PTPRN2: variants seen among roughly 807,000 people sequenced by gnomAD.
PTPRN2 encodes receptor-type tyrosine-protein phosphatase N2.
Under a neutral mutation model 118.8 loss-of-function variants are expected in PTPRN2, and 74 were observed. The observed-to-expected ratio is 0.62, with a 90% confidence interval of 0.52 to 0.76. The LOEUF is 0.76. Ranked by LOEUF, PTPRN2 falls within the 30% of genes least tolerant of loss-of-function variation. PTPRN2 has a pLI of 0.00. For synonymous variants in PTPRN2, 641 were observed against 608.0 expected (o/e 1.05, Z -0.80); for missense variants, 1,481 against 1,394.4 (o/e 1.06, Z -0.99).
In PTPRN2 at chr7:157,866,679, C is replaced by G. The variant is rs534929938; in HGVS notation, c.1788+31994G>C. 2.0e-5 allele frequency among the ~76,000 whole-genome samples: 3 copies of G among 152,174 alleles called. No individual in the cohort carries two copies. In the South Asian group the frequency reaches 6.2e-4, roughly 32 times the overall value. On this transcript the variant is annotated intron_variant, in intron 12 of 22. Coordinates refer to ENST00000389418, the MANE Select transcript of PTPRN2 (RefSeq NM_002847.5). Reference sequence around the variant, plus strand: ...CACCGAGGCTGTCTGGCCCGAGTCCCAGGCTCGCCCCAGTGCTTGCCACAC... The same window carrying G: ...CACCGAGGCTGTCTGGCCCGAGTCCGAGGCTCGCCCCAGTGCTTGCCACAC...
chr7:158,418,931 C>T (rs1815025218), intron 2 of PTPRN2, among the ~76,000 whole-genome samples: 1 of 152,258 alleles, frequency 6.6e-6, no homozygotes, highest in Non-Finnish European at 1.5e-5. Context: ...TTTTCATTTC[C>T]ATACACACTT....
intron 4 of PTPRN2, among the ~76,000 whole-genome samples, chr7:158,195,757 T>C (rs138908387): frequency 2.7e-3 from 411 of 152,330 alleles, no homozygotes; most frequent in African/African-American, 9.3e-3. Context: ...CTCCTACTTA[T>C]TGTGTCTGTG....
Position 157,780,987 on chromosome 7 carries a change from C to T in PTPRN2, c.1789-98050G>A, listed in dbSNP as rs917913976. 6.6e-6 allele frequency among the ~76,000 whole-genome samples: 1 copy of T among 152,244 alleles called. No individual in the cohort carries two copies. The highest frequency in any genetic ancestry group is 1.5e-5 in the Non-Finnish European group (1 of 68,050). ...TCCAGGCCAAACCTTCTCTGGCCTCCTGCCGCTCACGGCCACAATCACCCC... is the reference window on the plus strand; with the variant it reads ...TCCAGGCCAAACCTTCTCTGGCCTCTTGCCGCTCACGGCCACAATCACCCC... On this transcript the variant is annotated intron_variant, in intron 12 of 22. Transcript: ENST00000389418. The surrounding 1 kb of genome is among the most constrained non-coding windows in gnomAD (Gnocchi z 4.5).
At chr7:157,544,437 G>A (rs1174127339) in intron 22 of PTPRN2, among the ~76,000 whole-genome samples, 3 of 152,224 alleles carry the variant, frequency 2.0e-5, no homozygotes, top group Admixed American at 6.5e-5. Flanking sequence ...CAAGGGGCTG[G>A]TGCAGAAGAA....
chr7:158,333,357 G>A (rs1373398741), intron 2 of PTPRN2, among the ~76,000 whole-genome samples: 5 of 136,664 alleles, frequency 3.7e-5, no homozygotes, highest in South Asian at 2.3e-4. Flanking sequence ...ACCTGCAGAC[G>A]TCACTCACAC....
At chr7:158,247,088 C>T (rs140901271) in intron 3 of PTPRN2, among the ~76,000 whole-genome samples, 52 of 152,338 alleles carry the variant, frequency 3.4e-4, no homozygotes, top group African/African-American at 6.0e-4. Flanking sequence ...ATCCCTGGCA[C>T]GGGCTGCCTC....
Position 158,333,219 on chromosome 7 carries a change from G to A in PTPRN2, c.164-16287C>T, listed in dbSNP as rs1381394932. Among the ~76,000 whole-genome samples the A allele has an allele frequency of 3.3e-5, 4 of 119,482 alleles. 1 individual carries two copies. The highest frequency in any genetic ancestry group is 7.9e-5 in the Admixed American group (1 of 12,698). 78.4% of individuals were successfully genotyped at this position (119,482 alleles called of 152,430 possible). ...ACCATAAGAGCTGTCGCCCGCAGAC[G>A]TGACTCACACCCACACTCTCCCCAA... On this transcript the variant is annotated intron_variant, in intron 2 of 22. Transcript: ENST00000389418.
chr7:158,278,661 C>T (rs762702123), intron 3 of PTPRN2, among the ~76,000 whole-genome samples: 5 of 152,066 alleles, frequency 3.3e-5, no homozygotes, highest in Non-Finnish European at 7.4e-5. Flanking sequence ...CGCGGACCCT[C>T]GCGGTGAGTG....
In PTPRN2 at chr7:158,407,204, CTGGGT is replaced by C. The variant is rs1813581382; in HGVS notation, c.163+82526_163+82530del. Among the ~76,000 whole-genome samples, 77 of 31,640 alleles carry C rather than the reference CTGGGT, an allele frequency of 2.4e-3. 3 individuals are homozygous for C. Among genetic ancestry groups the C allele is most frequent in the East Asian group, 0.021 (18 of 864 alleles). The allele number at this position is 31,640 out of a possible 152,430, so 20.8% of individuals were successfully genotyped here. ...CGTCCTGGGTCCTGGGTCCTGGGTC[CTGGGT>C]CCTGCGTCCTGCGTCCTGGGTCCTG... On this transcript the variant is annotated intron_variant, in intron 2 of 22. Coordinates refer to ENST00000389418, the MANE Select transcript of PTPRN2 (RefSeq NM_002847.5).
intron 12 of PTPRN2, among the ~76,000 whole-genome samples, chr7:157,714,065 A>G (rs570991735): frequency 3.3e-5 from 5 of 152,390 alleles, no homozygotes; most frequent in African/African-American, 1.2e-4. Context: ...CCACGAAGGC[A>G]TCGTCTTCTA....
intron 12 of PTPRN2, among the ~76,000 whole-genome samples, chr7:157,894,851 C>T (rs1256070904): frequency 6.6e-6 from 1 of 152,206 alleles, no homozygotes; most frequent in Admixed American, 6.5e-5. Context: ...TGTGCCAGAG[C>T]ACGGTCCACA....
chr7:158,353,083 C>T (rs546374266), intron 2 of PTPRN2, among the ~76,000 whole-genome samples: 28 of 152,334 alleles, frequency 1.8e-4, no homozygotes, highest in African/African-American at 6.7e-4. Context: ...AGAACAGCAG[C>T]ATGTATTTCA....
chr7:157,738,527 G>T (rs1433095553), intron 12 of PTPRN2, among the ~76,000 whole-genome samples: 1 of 152,222 alleles, frequency 6.6e-6, no homozygotes, highest in Non-Finnish European at 1.5e-5. Context: ...CTGGTCCCGG[G>T]TTGTTTGTGG....
chr7:157,747,178 G>T (rs1189123213), intron 12 of PTPRN2, among the ~76,000 whole-genome samples: 20 of 127,720 alleles, frequency 1.6e-4, no homozygotes, highest in South Asian at 3.0e-4. Flanking sequence ...TCCCTGAGCT[G>T]TGGGGTGTGC....
Position 158,228,511 on chromosome 7 carries a change from G to T in PTPRN2, c.278-23238C>A, listed in dbSNP as rs187362038. On this transcript the variant is annotated intron_variant, in intron 3 of 22. Transcript: ENST00000389418. ...GAGGGACTTCTGGTCCCAAAATGGT[G>T]GTGCAGTAGAAGCAAGGTGACTTCA... Among the ~76,000 whole-genome samples, 425 of 152,086 alleles carry T rather than the reference G, an allele frequency of 2.8e-3. 5 individuals carry two copies. Among genetic ancestry groups the T allele is most frequent in the African/African-American group, 9.8e-3 (408 of 41,494 alleles).
At chr7:158,328,888 C>T (rs996716851) in intron 2 of PTPRN2, among the ~76,000 whole-genome samples, 3 of 146,492 alleles carry the variant, frequency 2.0e-5, no homozygotes, top group African/African-American at 7.7e-5. Flanking sequence ...ACCTCTGTTC[C>T]TCTCGCCACC....
chr7:158,297,976 C>G (rs182529700), intron 3 of PTPRN2, among the ~76,000 whole-genome samples: 4 of 152,302 alleles, frequency 2.6e-5, no homozygotes, highest in Admixed American at 6.5e-5. Flanking sequence ...TATCAACTTA[C>G]AGGTTTTTTT....
At chr7:158,332,387 G>A (rs1223954156) in intron 2 of PTPRN2, among the ~76,000 whole-genome samples, 2,956 of 127,256 alleles carry the variant, frequency 0.023, 267 homozygotes, top group African/African-American at 0.079. Flanking sequence ...GACACCTGCA[G>A]ATGTCACTCA....
At position 157,780,498 on chromosome 7, in the gene PTPRN2, C is replaced by T. The variant is rs1803609629; in HGVS notation, c.1789-97561G>A. Reference sequence around the variant, plus strand: ...CCAGAGCAACTGAAGTTCGCTTGTCCCCACAGGCAGCTCGACATGGTGCAG... The same window carrying T: ...CCAGAGCAACTGAAGTTCGCTTGTCTCCACAGGCAGCTCGACATGGTGCAG... On this transcript the variant is annotated intron_variant, in intron 12 of 22. Transcript: ENST00000389418. The surrounding 1 kb of genome is among the most constrained non-coding windows in gnomAD (Gnocchi z 4.5). 6.6e-6 allele frequency among the ~76,000 whole-genome samples: 1 copy of T among 152,202 alleles called. No homozygotes were observed. Among genetic ancestry groups the T allele is most frequent in the Admixed American group, 6.5e-5 (1 of 15,284 alleles).
Sources: allele counts gnomAD v4.1 joint callset (sites outside exome capture counted in the v4.1 genomes callset), GRCh38; gene constraint gnomAD v4.1.1; non-coding constraint Gnocchi (gnomAD v3.1); transcripts MANE v1.5; gene names NCBI Gene and HGNC (gene_info 2026-07-23, HGNC 2026-07-21).